Variants in PAPPA observed in about 807,000 individuals in gnomAD.
PAPPA encodes the protein pappalysin 1.
Under a neutral mutation model 164.0 loss-of-function variants are expected in PAPPA, and 60 were observed. The observed-to-expected ratio is 0.37, with a 90% CI of 0.30 to 0.45. The LOEUF is 0.45. PAPPA is among the 20% of genes least tolerant of loss of function. The pLI is 1.00. For missense variants in PAPPA, 1,782 were observed against 2,087.3 expected (o/e 0.85, Z 2.85); for synonymous variants, 875 against 814.1 (o/e 1.07, Z -1.27).
intron 13 of PAPPA, among the ~76,000 whole-genome samples, chr9:116,335,957 T>C (rs1481583909): frequency 1.3e-5 from 2 of 152,188 alleles, no homozygotes; most frequent in Non-Finnish European, 2.9e-5. Flanking sequence ...CTTTTGATGA[T>C]GATGGTGCTG....
chr9:116,209,511 T>G (rs929248446), intron 3 of PAPPA, among the ~76,000 whole-genome samples: 5 of 152,086 alleles, frequency 3.3e-5, no homozygotes, highest in African/African-American at 1.2e-4. Context: ...TTCCATAAAT[T>G]TCAGAGTCTG....
chr9:116,351,317 C>T lies in PAPPA; in HGVS notation c.3965-1389C>T, dbSNP rs145844399. ...GACTTCTGTGAAGATTCTTTCAGAGCTACTAATGAAGATGAAAAGAAGAAG... is the reference window on the plus strand; with the variant it reads ...GACTTCTGTGAAGATTCTTTCAGAGTTACTAATGAAGATGAAAAGAAGAAG... On this transcript the variant is annotated intron_variant, in intron 15 of 21. Transcript: ENST00000328252. Among the ~76,000 whole-genome samples the T allele has an allele frequency of 8.8e-3, 1,338 of 152,108 alleles. 7 individuals are homozygous for T. The highest frequency in any genetic ancestry group is 0.013 in the Non-Finnish European group (893 of 68,008).
chr9:116,229,486 A>C (rs1404893633), intron 6 of PAPPA, among the ~76,000 whole-genome samples: 1 of 152,184 alleles, frequency 6.6e-6, no homozygotes, highest in Non-Finnish European at 1.5e-5. Context: ...ATAAAGCGGA[A>C]ACTACTAATA....
chr9:116,356,948 C>G (rs1846362352), intron 17 of PAPPA, among the ~76,000 whole-genome samples: 2 of 152,196 alleles, frequency 1.3e-5, no homozygotes, highest in Non-Finnish European at 2.9e-5. Flanking sequence ...TATCCCAGAA[C>G]TTAAAGTAAA....
At chr9:116,222,034 A>G (rs890762135) in intron 5 of PAPPA, among the ~76,000 whole-genome samples, 1 of 152,220 alleles carries the variant, frequency 6.6e-6, no homozygotes, top group African/African-American at 2.4e-5. Context: ...ATGTAGGTTA[A>G]TATAGCCATC....
intron 21 of PAPPA, among the ~76,000 whole-genome samples, chr9:116,383,854 A>G (rs190637646): frequency 1.7e-3 from 265 of 152,336 alleles, no homozygotes; most frequent in Non-Finnish European, 2.5e-3. Context: ...TAAGTAGAGA[A>G]AAATAAAATT....
At chr9:116,341,419 T>C (rs1316155069) in intron 13 of PAPPA, among the ~76,000 whole-genome samples, 1 of 152,196 alleles carries the variant, frequency 6.6e-6, no homozygotes, top group Non-Finnish European at 1.5e-5. Flanking sequence ...TTATACCTGC[T>C]CTTCCCTCTG....
chr9:116,199,469 A>G (rs1393636542), intron 2 of PAPPA, among the ~76,000 whole-genome samples: 2 of 152,224 alleles, frequency 1.3e-5, no homozygotes, highest in East Asian at 3.9e-4. Flanking sequence ...TCTTATATAC[A>G]TTCCTATTGC....
chr9:116,276,957 G>T (rs1181571280), intron 9 of PAPPA, among the ~76,000 whole-genome samples: 1 of 152,092 alleles, frequency 6.6e-6, no homozygotes, highest in East Asian at 1.9e-4. Context: ...GGCTGCTCTG[G>T]CCTGCTCTGA....
Position 116,382,406 on chromosome 9 carries a change from A to G in PAPPA, c.4689A>G (p.Gly1563=). 6.2e-7 allele frequency: 1 copy of G among 1,612,210 alleles called. No homozygotes were observed. Among genetic ancestry groups the G allele is most frequent in the Non-Finnish European group, 8.5e-7 (1 of 1,178,390 alleles). ...HCVKGCEPFM[G]DNYCDAINNR... is the part of the protein sequence containing the mutation. ...GTCTCCCTTTCCAGCCCTTCATGGG[A>G]GACAATTATTGTGATGCCATCAACA... The change falls in exon 21 of 22, where the codon GGA becomes GGG. Residue 1563 remains glycine (G), a synonymous_variant. Transcript: ENST00000328252.
Position 116,154,161 on chromosome 9 carries a change from G to GGGGGGGGC in PAPPA, c.-12_-11insGGGGGGGC. On this transcript the variant is annotated 5_prime_UTR_variant, in exon 1 of 22. Coordinates refer to ENST00000328252, the MANE Select transcript of PAPPA (RefSeq NM_002581.5). The surrounding 1 kb of genome is among the most constrained non-coding windows in gnomAD (Gnocchi z 5.2). ...TGCAGGGGCGAAGGGGGGGCGGGGG[G>GGGGGGGGC]AACCGTCGGACATGCGGCTCTGGAG... 1 of 1,224,434 alleles carries GGGGGGGGC rather than the reference G, an allele frequency of 8.2e-7. No homozygotes were observed. Among genetic ancestry groups the GGGGGGGGC allele is most frequent in the Non-Finnish European group, 1.1e-6 (1 of 926,424 alleles). 75.8% of individuals were successfully genotyped at this position (1,224,434 alleles called of 1,614,324 possible).
chr9:116,308,352 C>T (rs1476131574), intron 10 of PAPPA, among the ~76,000 whole-genome samples: 2 of 152,208 alleles, frequency 1.3e-5, no homozygotes, highest in Non-Finnish European at 1.5e-5. Flanking sequence ...TAGAAAAGTC[C>T]TTTGCCCACT....
At chr9:116,159,804 G>A (rs148846048) in intron 1 of PAPPA, among the ~76,000 whole-genome samples, 130 of 152,330 alleles carry the variant, frequency 8.5e-4, no homozygotes, top group East Asian at 2.7e-3. Context: ...TCGGGAGTGT[G>A]GGTTGTGTAT....
chr9:116,227,903 C>T (rs1447609739), intron 6 of PAPPA, among the ~76,000 whole-genome samples: 1 of 152,148 alleles, frequency 6.6e-6, no homozygotes, highest in Non-Finnish European at 1.5e-5. Flanking sequence ...ACTTTAGAGT[C>T]AATACAAATA....
chr9:116,383,193 C>T lies in PAPPA; in HGVS notation c.4776+700C>T, dbSNP rs145489904. Among the ~76,000 whole-genome samples the T allele has an allele frequency of 5.8e-3, 884 of 152,228 alleles. 12 individuals are homozygous for T. The highest frequency in any genetic ancestry group is 0.02 in the African/African-American group (850 of 41,546). The stretch of plus-strand genomic sequence containing the variant: ...AAAAGTGGCCACCTCCATTTTTCTC[C>T]GACTGCCGCTGAGACCAGAGTGAGG... On this transcript the variant is annotated intron_variant, in intron 21 of 21. Transcript: ENST00000328252.
intron 15 of PAPPA, among the ~76,000 whole-genome samples, chr9:116,351,072 C>T (rs1846276190): frequency 6.6e-6 from 1 of 151,962 alleles, no homozygotes. Flanking sequence ...CTTCCTTTTC[C>T]TGCTTTTTCT....
chr9:116,279,496 G>A (rs947633111), intron 9 of PAPPA, among the ~76,000 whole-genome samples: 4 of 151,972 alleles, frequency 2.6e-5, no homozygotes, highest in Admixed American at 6.6e-5. Context: ...GAAACAGAAC[G>A]GCCTCTGACG....
At chr9:116,229,142 G>A (rs1418197664) in intron 6 of PAPPA, among the ~76,000 whole-genome samples, 2 of 152,146 alleles carry the variant, frequency 1.3e-5, no homozygotes, top group Admixed American at 6.5e-5. Flanking sequence ...ATGCAGAACT[G>A]GAGACTCAGT....
intron 7 of PAPPA, among the ~76,000 whole-genome samples, chr9:116,243,701 A>G (rs73654688): frequency 0.012 from 1,769 of 152,298 alleles, 31 homozygotes; most frequent in African/African-American, 0.04. Flanking sequence ...AATAAACACC[A>G]AAGAGAGGAG....
Sources: allele counts gnomAD v4.1 joint callset (sites outside exome capture counted in the v4.1 genomes callset), GRCh38; gene constraint gnomAD v4.1.1; non-coding constraint Gnocchi (gnomAD v3.1); transcripts MANE v1.5; gene names NCBI Gene and HGNC (gene_info 2026-07-23, HGNC 2026-07-21).